The following WDR7 variants were observed in gnomAD, a reference collection of about 807,000 sequenced individuals.
WDR7 encodes the protein WD repeat-containing protein 7.
In WDR7, 46 loss-of-function variants were observed where a neutral mutation model predicts 169.4. The observed-to-expected ratio is 0.27, with a 90% CI of 0.21 to 0.35. The LOEUF (loss-of-function observed/expected upper bound fraction) is 0.35. WDR7 is among the 10% of genes least tolerant of loss of function. The probability of loss-of-function intolerance (pLI) is 1.00; values close to 1 mark genes in which losing one functional copy is unlikely to be tolerated. For synonymous variants in WDR7, 612 were observed against 666.8 expected, an observed-to-expected ratio of 0.92 and a Z score of 1.27; for missense variants, 1,534 against 1,859.3, an observed-to-expected ratio of 0.83 and a Z score of 3.22.
At chr18:56,924,268 G>A (rs1273041771) in intron 22 of WDR7, among the ~76,000 whole-genome samples, 160 bp downstream of exon 22, 1 of 152,088 alleles carries the variant, frequency 6.6e-6, no homozygotes, top group Non-Finnish European at 1.5e-5. Flanking sequence ...ACAATGAAAA[G>A]GAAGCATGTT....
intron 20 of WDR7, among the ~76,000 whole-genome samples, chr18:56,836,777 G>A (rs2045403271): frequency 6.6e-6 from 1 of 152,132 alleles, no homozygotes; most frequent in African/African-American, 2.4e-5. Flanking sequence ...TAAAAAGATA[G>A]TCCATTAGTC....
At chr18:56,832,436 C>A (rs1219031001) in intron 20 of WDR7, among the ~76,000 whole-genome samples, 1 of 152,194 alleles carries the variant, frequency 6.6e-6, no homozygotes, top group Non-Finnish European at 1.5e-5. Context: ...AACGTTCCAG[C>A]CTGCTGGCTC....
At chr18:57,034,585 C>A (rs1307584919), downstream of WDR7, 1 of 152,190 alleles carries the variant, frequency 6.6e-6, no homozygotes, top group Non-Finnish European at 1.5e-5. Context: ...CTTGGCTGCA[C>A]AATTGTTAAA....
chr18:57,032,814 T>TAC (rs1259497864), downstream of WDR7: 67 of 68,202 alleles, frequency 9.8e-4, no homozygotes, highest in African/African-American at 8.1e-3. Context: ...TATATATATA[T>TAC]ATATATATAT....
intron 1 of WDR7, among the ~76,000 whole-genome samples, chr18:56,657,904 T>C (rs7238792): frequency 0.032 from 4,850 of 152,222 alleles, 254 homozygotes; most frequent in African/African-American, 0.11. Flanking sequence ...TTTCAAACTA[T>C]GTTGGTGACG....
chr18:56,754,312 CAT>C (rs1426550010), intron 14 of WDR7, among the ~76,000 whole-genome samples: 44 of 125,430 alleles, frequency 3.5e-4, no homozygotes, highest in African/African-American at 1.2e-3. Flanking sequence ...TATGTATATA[CAT>C]ATATATGTGT....
chr18:56,737,384 C>T (rs995219028), intron 14 of WDR7, among the ~76,000 whole-genome samples: 2 of 152,120 alleles, frequency 1.3e-5, no homozygotes, highest in Non-Finnish European at 2.9e-5. Context: ...CCATTACTGC[C>T]GTGAAATTAA....
intron 22 of WDR7, among the ~76,000 whole-genome samples, chr18:56,930,583 A>G (rs61668885): frequency 0.12 from 18,268 of 152,192 alleles, 3,511 homozygotes; most frequent in African/African-American, 0.41. Context: ...TGCCACCTGC[A>G]AGTTGTGAAA....
chr18:56,990,363 T>A (rs1417624240), intron 26 of WDR7, among the ~76,000 whole-genome samples: 2 of 152,236 alleles, frequency 1.3e-5, no homozygotes, highest in East Asian at 3.8e-4. Flanking sequence ...CATATGGGAA[T>A]CCTTGTGCTT....
chr18:56,775,244 C>T (rs1293486717), intron 16 of WDR7, among the ~76,000 whole-genome samples: 1 of 152,086 alleles, frequency 6.6e-6, no homozygotes, highest in African/African-American at 2.4e-5. Flanking sequence ...AACAATTTCT[C>T]CCCATTTTTG....
intron 21 of WDR7, among the ~76,000 whole-genome samples, chr18:56,912,747 G>A (rs927376005): frequency 6.6e-6 from 1 of 151,986 alleles, no homozygotes; most frequent in Non-Finnish European, 1.5e-5. Flanking sequence ...CCACCTCATT[G>A]GCCACTTGTA....
At chr18:56,870,576 T>C (rs1294865008) in intron 20 of WDR7, among the ~76,000 whole-genome samples, 1 of 152,228 alleles carries the variant, frequency 6.6e-6, no homozygotes, top group Non-Finnish European at 1.5e-5. Context: ...TTAACATATT[T>C]GATTACCAGC....
chr18:56,726,092 G>A (rs1288802218), intron 13 of WDR7, among the ~76,000 whole-genome samples: 1 of 152,194 alleles, frequency 6.6e-6, no homozygotes, highest in Non-Finnish European at 1.5e-5. Flanking sequence ...GTAGCATGAT[G>A]CCTCCAGCTT....
At chr18:56,946,522 T>C (rs1322627010) in intron 25 of WDR7, among the ~76,000 whole-genome samples, 1 of 152,238 alleles carries the variant, frequency 6.6e-6, no homozygotes, top group Non-Finnish European at 1.5e-5. Flanking sequence ...CCTTGGGCAT[T>C]AAGCAGTTCA....
chr18:57,010,495 T>C (rs972413381), intron 26 of WDR7, among the ~76,000 whole-genome samples: 1 of 152,144 alleles, frequency 6.6e-6, no homozygotes, highest in African/African-American at 2.4e-5. Context: ...TTTTTAATCA[T>C]TATTGAGTCT....
chr18:56,994,118 C>T (rs1232963346), intron 26 of WDR7, among the ~76,000 whole-genome samples: 2 of 150,866 alleles, frequency 1.3e-5, no homozygotes, highest in Non-Finnish European at 2.9e-5. Flanking sequence ...CTCCTGGGCT[C>T]AAGCAATCCT....
At chr18:56,879,842 A>G in intron 20 of WDR7, 102 bp from the exon 21 acceptor site, 4 of 896,982 alleles carry the variant, frequency 4.5e-6, no homozygotes, top group Non-Finnish European at 6.9e-6. Context: ...TTTGCTGAAA[A>G]TGCTATTCTT....
intron 20 of WDR7, among the ~76,000 whole-genome samples, chr18:56,820,761 T>C (rs941152327): frequency 3.3e-5 from 5 of 152,306 alleles, no homozygotes; most frequent in African/African-American, 1.2e-4. Flanking sequence ...ATGTAAGTTT[T>C]CTATAAATGT....
chr18:56,991,192 G>T (rs529704845), intron 26 of WDR7, among the ~76,000 whole-genome samples: 1 of 136,660 alleles, frequency 7.3e-6, no homozygotes, highest in South Asian at 2.3e-4. Flanking sequence ...TGTCGCCCAG[G>T]CTGGAGTGAA....
Sources: gnomAD v4.1 joint callset for allele counts (sites outside exome capture counted in the v4.1 genomes callset) on GRCh38, gnomAD v4.1.1 for gene constraint, MANE v1.5 for transcripts, NCBI Gene and HGNC (gene_info 2026-07-23, HGNC 2026-07-21) for gene names.